The following SPATA22 variants were observed in gnomAD, a reference collection of about 807,000 sequenced individuals.
SPATA22 encodes spermatogenesis-associated protein 22.
A neutral mutation model predicts 47.8 loss-of-function variants in SPATA22; 29 were observed. That is an observed-to-expected ratio of 0.61 (90% CI 0.45 to 0.83). The LOEUF (loss-of-function observed/expected upper bound fraction) is 0.83. Among genes scored for constraint, SPATA22 ranks in the 40% least tolerant of loss-of-function variants. SPATA22 has a pLI of 0.00. For missense variants in SPATA22, 410 were observed against 421.7 expected, an observed-to-expected ratio of 0.97 and a Z score of 0.24; for synonymous variants, 133 against 140.9, an observed-to-expected ratio of 0.94 and a Z score of 0.40.
At position 3,485,202 on chromosome 17, in the gene SPATA22, G is replaced by C. The variant is rs1039538392; in HGVS notation, c.-73-15804C>G. The stretch of plus-strand genomic sequence containing the variant: ...TTCAGCTAATTTTTTATTTTTTGTA[G>C]AGACAGGATCTCAGTATGATCAGGT... On this transcript the variant is annotated intron_variant, in intron 1 of 8. Coordinates refer to the SPATA22 transcript ENST00000541913. The surrounding 1 kb of genome is among the most constrained non-coding windows in gnomAD (Gnocchi z 4.4). Among the ~76,000 whole-genome samples the C allele has an allele frequency of 6.6e-6, 1 of 151,982 alleles. No individual in the cohort carries two copies. The highest frequency in any genetic ancestry group is 2.1e-4 in the South Asian group (1 of 4,824).
At chr17:3,476,284 A>T, upstream of SPATA22, 3 of 1,614,180 alleles carry the variant, frequency 1.9e-6, no homozygotes, top group South Asian at 1.1e-5. Flanking sequence ...GCTGAGATTC[A>T]GAGAACAGGG....
chr17:3,465,047 G>A lies in SPATA22; in HGVS notation c.173-2280C>T, dbSNP rs535433441. Among the ~76,000 whole-genome samples, 26 of 128,284 alleles carry A rather than the reference G, an allele frequency of 2.0e-4. 1 individual carries two copies. In the South Asian group the frequency reaches 5.8e-3, roughly 29 times the overall value. 84.2% of individuals were successfully genotyped at this position (128,284 alleles called of 152,430 possible). A position where few individuals can be genotyped will look rare whatever the true frequency, so the allele number is the denominator to read the frequency against. ...GGGTCAGCCCCCAGCCCGGCCAGCC[G>A]CCCCGTCCGGGAGGGAGGTGGGGGG... On this transcript the variant is annotated intron_variant, in intron 3 of 8. Transcript: ENST00000572969.
chr17:3,448,723 G>A (rs2072784495), intron 6 of SPATA22, 84 bp downstream of exon 6: 4 of 957,554 alleles, frequency 4.2e-6, no homozygotes, highest in South Asian at 1.8e-5. Flanking sequence ...TATTTCAGGC[G>A]CTCTTATCTC....
intron 8 of SPATA22, among the ~76,000 whole-genome samples, chr17:3,442,401 G>T (rs1443267214): frequency 1.3e-5 from 2 of 151,976 alleles, no homozygotes; most frequent in Non-Finnish European, 2.9e-5. Flanking sequence ...TGGAGTAAAT[G>T]CTGGAATCCA....
At chr17:3,440,433 C>T in intron 8 of SPATA22, 95 bp from the exon 9 acceptor site, 1 of 1,026,928 alleles carries the variant, frequency 9.7e-7, no homozygotes, top group Middle Eastern at 2.7e-4. Context: ...CATGTGCCAC[C>T]TCAAAATGCT....
At chr17:3,504,021 C>T (rs958556858) in intron 1 of SPATA22, among the ~76,000 whole-genome samples, 3 of 152,262 alleles carry the variant, frequency 2.0e-5, no homozygotes, top group Admixed American at 6.5e-5. Context: ...GCCATCTCCA[C>T]TCCAGTGTCC....
chr17:3,491,278 T>C (rs1359335246), intron 1 of SPATA22, among the ~76,000 whole-genome samples: 1 of 152,200 alleles, frequency 6.6e-6, no homozygotes, highest in Non-Finnish European at 1.5e-5. Flanking sequence ...TTTGTTCTTA[T>C]GTTTAAAAAA....
chr17:3,480,654 A>G (rs1430586934), intron 1 of SPATA22, among the ~76,000 whole-genome samples: 7 of 152,220 alleles, frequency 4.6e-5, no homozygotes, highest in Non-Finnish European at 1.0e-4. Context: ...TGACTCCTAA[A>G]CCATAATTTC....
intron 5 of SPATA22, among the ~76,000 whole-genome samples, chr17:3,456,897 C>T (rs1220368066): frequency 2.8e-4 from 42 of 150,654 alleles, no homozygotes; most frequent in South Asian, 8.5e-4. Context: ...GTTCAATATA[C>T]GCAAATCAAT....
chr17:3,470,131 T>G (rs1297214604), intron 1 of SPATA22, among the ~76,000 whole-genome samples: 1 of 149,358 alleles, frequency 6.7e-6, no homozygotes, highest in Non-Finnish European at 1.5e-5. Flanking sequence ...AGTCCTCCCT[T>G]CATATCTAGA....
chr17:3,513,694 C>A, exon 1 of SPATA22: 1 of 482,476 alleles, frequency 2.1e-6, no homozygotes, highest in Non-Finnish European at 3.7e-6. Flanking sequence ...AGGTTTACAC[C>A]AGCTGTTTGC....
At chr17:3,462,433 C>G (rs368693812) in intron 5 of SPATA22, 50 bp downstream of exon 5, 2 of 1,284,848 alleles carry the variant, frequency 1.6e-6, no homozygotes, top group Non-Finnish European at 2.2e-6. Context: ...AAGAGGAAGA[C>G]AGGAAAATGA....
In SPATA22 at chr17:3,511,022, G is replaced by C. The variant is rs886052839; in HGVS notation, c.-74+2390C>G. On this transcript the variant is annotated intron_variant, in intron 1 of 8. Coordinates refer to the SPATA22 transcript ENST00000541913. ...CCTGAGGAAAAGTTTAGCTAAAGGAGCATTTGCAGCCAAAGGCACTATCTG... is the reference window on the plus strand; with the variant it reads ...CCTGAGGAAAAGTTTAGCTAAAGGACCATTTGCAGCCAAAGGCACTATCTG... 1 of 152,228 alleles carries C rather than the reference G, an allele frequency of 6.6e-6. No homozygotes were observed. The highest frequency in any genetic ancestry group is 1.5e-5 in the Non-Finnish European group (1 of 68,048). The allele number at this position is 152,228 out of a possible 1,614,324, so 9.4% of individuals were successfully genotyped here. A position where few individuals can be genotyped will look rare whatever the true frequency, so the allele number is the denominator to read the frequency against.
chr17:3,494,507 C>A, intron 1 of SPATA22: 1 of 1,471,250 alleles, frequency 6.8e-7, no homozygotes, highest in South Asian at 1.1e-5. Context: ...AATGCTGTAC[C>A]TTTGAATAGA....
chr17:3,496,820 G>A (rs374816318), intron 1 of SPATA22, among the ~76,000 whole-genome samples: 22 of 152,116 alleles, frequency 1.4e-4, no homozygotes, highest in African/African-American at 3.1e-4. Flanking sequence ...TAATCCCAGC[G>A]CTTTGGGAGG....
chr17:3,508,643 C>T (rs1381972928), intron 1 of SPATA22, among the ~76,000 whole-genome samples: 2 of 142,396 alleles, frequency 1.4e-5, no homozygotes, highest in Non-Finnish European at 3.0e-5. Flanking sequence ...AGTAAACTAT[C>T]GCAAGGACAA....
intron 1 of SPATA22, among the ~76,000 whole-genome samples, chr17:3,492,163 C>A (rs984357474): frequency 6.6e-6 from 1 of 152,208 alleles, no homozygotes; most frequent in Non-Finnish European, 1.5e-5. Flanking sequence ...AGGCCTGCGC[C>A]ATTGCGCCTG....
intron 7 of SPATA22, among the ~76,000 whole-genome samples, chr17:3,445,847 C>T (rs563247098): frequency 6.6e-6 from 1 of 152,166 alleles, no homozygotes; most frequent in East Asian, 1.9e-4. Context: ...AAGGAGGAGG[C>T]TGTATCAGTT....
At chr17:3,444,692 T>C (rs1338183179) in intron 7 of SPATA22, among the ~76,000 whole-genome samples, 1 of 152,046 alleles carries the variant, frequency 6.6e-6, no homozygotes, top group African/African-American at 2.4e-5. Context: ...GCGTGAATAA[T>C]TCTCTATGCA....
Sources: allele counts gnomAD v4.1 joint callset (sites outside exome capture counted in the v4.1 genomes callset), GRCh38; gene constraint gnomAD v4.1.1; non-coding constraint Gnocchi (gnomAD v3.1); transcripts MANE v1.5; gene names NCBI Gene and HGNC (gene_info 2026-07-23, HGNC 2026-07-21).